TPR: variants seen among roughly 807,000 people sequenced by gnomAD.
The protein encoded by TPR is nucleoprotein TPR.
TPR carries 51 observed loss-of-function variants against 316.1 expected under a neutral mutation model. The ratio of observed to expected loss-of-function variants is 0.16; its 90% confidence interval spans 0.13 to 0.20. The LOEUF is 0.20. TPR is among the 10% of genes least tolerant of loss of function. The pLI, the probability that TPR is intolerant of heterozygous loss-of-function variation, is 1.00. For missense variants in TPR, 2,272 were observed against 2,754.8 expected (o/e 0.82, Z 3.92); for synonymous variants, 981 against 914.7 (o/e 1.07, Z -1.31).
intron 45 of TPR, 137 bp downstream of exon 45, chr1:186,322,181 A>G (rs1657793836): frequency 1.3e-6 from 1 of 765,934 alleles, no homozygotes; most frequent in Admixed American, 3.1e-5. Flanking sequence ...TCCTCAACTG[A>G]CCTACCCCAA....
At chr1:186,330,271 A>T (rs1389595811) in intron 39 of TPR, among the ~76,000 whole-genome samples, 1 of 152,104 alleles carries the variant, frequency 6.6e-6, no homozygotes, top group Non-Finnish European at 1.5e-5. Flanking sequence ...AGCCTTTGCT[A>T]AACTCCTCTA....
rs376859703 is a variant in TPR at position 186,341,079 on chromosome 1, T to G, written c.3969A>C (p.Ala1323=). Residue 1323 remains alanine (A), a synonymous_variant, in exon 29 of 51, where the codon GCA becomes GCC. Transcript: ENST00000367478. ...CATCCTCTTCTAAGAGCTTCTTCTC[T>G]GCCTGCAACATACCGCTTTTCTCAC... ...ELSEKSGMLQ[A]EKKLLEEDVK... The G allele has an allele frequency of 2.5e-6, 4 of 1,614,150 alleles. No homozygotes were observed. The highest frequency in any genetic ancestry group is 3.4e-6 in the Non-Finnish European group (4 of 1,180,018).
In TPR at chr1:186,337,015, T is replaced by G. The variant is rs780889419; in HGVS notation, c.4504A>C (p.Lys1502Gln). 5.0e-6 allele frequency: 8 copies of G among 1,613,674 alleles called. No individual in the cohort carries two copies. In the African/African-American group the frequency reaches 8.0e-5, roughly 16 times the overall value. The part of the protein sequence containing the change: ...SLESQVENLQ[K>Q]TLSEKETEAR... ...ACAGACTGTTCTCACACTCATACCTTCTGCAGATTCTCTACTTGACTTTCA... is the reference window on the plus strand; with the variant it reads ...ACAGACTGTTCTCACACTCATACCTGCTGCAGATTCTCTACTTGACTTTCA... Residue 1502 changes from lysine (K) to glutamine (Q), a missense_variant and splice_region_variant, in exon 32 of 51, where the codon AAG becomes CAG. Lys to Gln is a moderately conservative substitution (Grantham distance 53). This residue lies in a region of TPR where 101 missense variants were observed against 113.0 expected (regional missense o/e 0.89). Coordinates refer to ENST00000367478, the MANE Select transcript of TPR (RefSeq NM_003292.3).
chr1:186,365,972 C>T (rs768073484), intron 4 of TPR, among the ~76,000 whole-genome samples: 4 of 152,140 alleles, frequency 2.6e-5, no homozygotes, highest in Admixed American at 6.6e-5. Context: ...CTAGCAGTGT[C>T]AGAAAACATA....
Position 186,347,212 on chromosome 1 carries a change from A to T in TPR, c.2943+80T>A, listed in dbSNP as rs1571621984. The T allele has an allele frequency of 2.0e-6, 3 of 1,492,188 alleles. No individual in the cohort carries two copies. In the East Asian group the frequency reaches 6.8e-5, roughly 34 times the overall value. The allele number at this position is 1,492,188 out of a possible 1,614,324, so 92.4% of individuals were successfully genotyped here. A position where few individuals can be genotyped will look rare whatever the true frequency, so the allele number is the denominator to read the frequency against. ...CTGGTCTAATTCATACGAGTGCCTT[A>T]AAAAAGCAGTCCTCTAGTTACTAAA... On this transcript the variant is annotated intron_variant, in intron 22 of 50. Transcript: ENST00000367478.
At position 186,332,191 on chromosome 1, in the gene TPR, G is replaced by A. The variant is rs758980010; in HGVS notation, c.5604+4C>T. ...TTAAAATACACAGAAAGAACTTTAC[G>A]CACCTCAGTTCCTACAGGTGTGACA... On this transcript the variant is annotated splice_donor_region_variant and intron_variant, in intron 38 of 50. Coordinates refer to ENST00000367478, the MANE Select transcript of TPR (RefSeq NM_003292.3). 4.6e-5 allele frequency: 74 copies of A among 1,600,394 alleles called. 1 individual carries two copies. The highest frequency in any genetic ancestry group is 1.7e-4 in the Middle Eastern group (1 of 6,026).
rs1377833189 is a variant in TPR at position 186,313,939 on chromosome 1, C to T, written c.*32G>A. ...ATTACACTAAAACAGATTTGATAATCTTATTCACAGTTGTTATTGTTTACA... is the reference window on the plus strand; with the variant it reads ...ATTACACTAAAACAGATTTGATAATTTTATTCACAGTTGTTATTGTTTACA... On this transcript the variant is annotated 3_prime_UTR_variant, in exon 51 of 51. Coordinates refer to ENST00000367478, the MANE Select transcript of TPR (RefSeq NM_003292.3). 7 of 1,601,980 alleles carry T rather than the reference C, an allele frequency of 4.4e-6. No individual in the cohort carries two copies. The African/African-American group carries it at 5.4e-5, about 12-fold the overall frequency.
At chr1:186,331,852 C>A (rs2037830) in intron 38 of TPR, among the ~76,000 whole-genome samples, 96,221 of 151,856 alleles carry the variant, frequency 0.63, 30,563 homozygotes, top group Non-Finnish European at 0.65. Flanking sequence ...TAATCTTAAC[C>A]ACAAAAAGGA....
At chr1:186,364,723 T>C (rs922577309) in intron 4 of TPR, among the ~76,000 whole-genome samples, 3 of 152,206 alleles carry the variant, frequency 2.0e-5, no homozygotes, top group Non-Finnish European at 4.4e-5. Context: ...AAACAGCAGA[T>C]GCTGCTAAGA....
chr1:186,369,376 T>C (rs575701242), intron 3 of TPR, among the ~76,000 whole-genome samples: 2 of 152,292 alleles, frequency 1.3e-5, no homozygotes, highest in African/African-American at 4.8e-5. Flanking sequence ...ATTCTTCTTA[T>C]CTATGAGTAT....
chr1:186,368,579 T>C (rs944902057), intron 3 of TPR, among the ~76,000 whole-genome samples: 5 of 152,314 alleles, frequency 3.3e-5, no homozygotes, highest in Middle Eastern at 3.4e-3. Context: ...CACTGCACTC[T>C]AGCCTGAGTG....
intron 40 of TPR, 49 bp from the exon 41 acceptor site, chr1:186,326,284 C>T (rs922057822): frequency 1.9e-6 from 3 of 1,552,862 alleles, no homozygotes; most frequent in Admixed American, 1.9e-5. Context: ...ATATGGCCCA[C>T]ATGCTCTGCA....
In TPR at chr1:186,337,075, T is replaced by A; in HGVS notation, c.4444A>T (p.Thr1482Ser). The A allele has an allele frequency of 6.2e-7, 1 of 1,613,940 alleles. No individual in the cohort carries two copies. Among genetic ancestry groups the A allele is most frequent in the Non-Finnish European group, 8.5e-7 (1 of 1,179,864 alleles). The change falls in exon 32 of 51, where the codon ACG (threonine) becomes TCG (serine). Residue 1482 changes from threonine to serine, a missense_variant. By Grantham distance (58) the Thr-to-Ser change is moderately conservative. This residue lies in a region of TPR where 101 missense variants were observed against 113.0 expected (regional missense o/e 0.89). Transcript: ENST00000367478. ...GATTTTGTTTCAGCTTGGTTGAGCGTTTCTTTGAGTTCCTGCATTTCCTGG... is the reference window on the plus strand; with the variant it reads ...GATTTTGTTTCAGCTTGGTTGAGCGATTCTTTGAGTTCCTGCATTTCCTGG... The part of the protein sequence containing the change: ...SVQEMQELKE[T>S]LNQAETKSKS...
chr1:186,336,498 G>A lies in TPR; in HGVS notation c.4703C>T (p.Ala1568Val), dbSNP rs746605011. The A allele has an allele frequency of 1.9e-6, 3 of 1,613,394 alleles. No homozygotes were observed. Among genetic ancestry groups the A allele is most frequent in the Admixed American group, 3.3e-5 (2 of 59,998 alleles). Residue 1568 changes from alanine (A) to valine (V), a missense_variant and splice_region_variant, in exon 33 of 51, where the codon GCT (alanine) becomes GTT (valine). By Grantham distance (64) the Ala-to-Val change is moderately conservative. Transcript: ENST00000367478. ...TCAAACTTTAAACAGATATTTACCA[G>A]CTAAGTGTGCAATTTTTGACTTTGC... is the stretch of plus-strand genomic sequence containing the variant. ...VAAKSKIAHLAGVKDQLTKEN... is the reference protein window; with the variant it reads ...VAAKSKIAHLVGVKDQLTKEN...
rs201502121 is a variant in TPR, at chr1:186,338,072, G to A, written c.4323C>T (p.Tyr1441=). The part of the protein sequence containing the change: ...ITQVKKIGRR[Y]KTQYEELKAQ... ...CTTTAAGTTCTTCATATTGAGTCTTGTACCTACGTCCAATTTTCTTAACTT... is the reference window on the plus strand; with the variant it reads ...CTTTAAGTTCTTCATATTGAGTCTTATACCTACGTCCAATTTTCTTAACTT... The change falls in exon 31 of 51, where the codon TAC becomes TAT. Residue 1441 remains tyrosine, a synonymous_variant. Transcript: ENST00000367478. 80 of 1,611,568 alleles carry A rather than the reference G, an allele frequency of 5.0e-5. No individual in the cohort carries two copies. The African/African-American group carries it at 9.5e-4, about 19-fold the overall frequency.
chr1:186,346,988 C>T (rs1045142072), intron 22 of TPR, among the ~76,000 whole-genome samples: 1 of 152,150 alleles, frequency 6.6e-6, no homozygotes, highest in African/African-American at 2.4e-5. Flanking sequence ...CAAGGCTTTG[C>T]CTGCACAAAT....
intron 32 of TPR, 80 bp downstream of exon 32, chr1:186,336,933 C>A: frequency 6.3e-7 from 1 of 1,580,844 alleles, no homozygotes; most frequent in Non-Finnish European, 8.6e-7. Flanking sequence ...CATGGTAAGA[C>A]AAAGTGTCAG....
intron 29 of TPR, among the ~76,000 whole-genome samples, 193 bp from the exon 30 acceptor site, chr1:186,339,965 G>C (rs980101738): frequency 6.6e-6 from 1 of 150,734 alleles, no homozygotes; most frequent in Admixed American, 6.6e-5. Context: ...CACAATACAA[G>C]AGGAAAAAAA....
intron 49 of TPR, among the ~76,000 whole-genome samples, chr1:186,317,182 A>G (rs555190827): frequency 6.6e-6 from 1 of 152,348 alleles, no homozygotes; most frequent in African/African-American, 2.4e-5. Context: ...AGCACCTCTA[A>G]AAGACCCAAG....
Sources: gnomAD v4.1 joint callset for allele counts (sites outside exome capture counted in the v4.1 genomes callset) on GRCh38, gnomAD v4.1.1 for gene constraint, gnomAD v4.1.1 regional missense constraint, MANE v1.5 for transcripts, NCBI Gene and HGNC (gene_info 2026-07-23, HGNC 2026-07-21) for gene names.